MGAM: variants seen among roughly 807,000 people sequenced by gnomAD.
The protein encoded by MGAM is alpha-1,4-glucosidase.
Under a neutral mutation model 358.8 loss-of-function variants are expected in MGAM, and 253 were observed. The ratio of observed to expected loss-of-function variants is 0.71; its 90% CI spans 0.64 to 0.78. The LOEUF (loss-of-function observed/expected upper bound fraction) is 0.78, where lower values mean the gene tolerates loss of function less well. Among genes scored for constraint, MGAM ranks in the 30% least tolerant of loss-of-function variants. The pLI, the probability that MGAM is intolerant of heterozygous loss-of-function variation, is 0.00. For synonymous variants in MGAM, 1,105 were observed against 1,227.1 expected (o/e 0.90, Z 2.08); for missense variants, 3,080 against 3,432.6 (o/e 0.90, Z 2.57).
chr7:141,992,294 C>T (rs1404394606), upstream of MGAM, among the ~76,000 whole-genome samples: 1 of 152,184 alleles, frequency 6.6e-6, no homozygotes, highest in African/African-American at 2.4e-5. Context: ...TAAGCTCCCC[C>T]AGTTAATAAG....
chr7:142,086,261 T>G lies in MGAM; in HGVS notation c.6680T>G (p.Phe2227Cys). The stretch of plus-strand genomic sequence containing the variant: ...AATGAGACACAGCCCTATCCTGCCT[T>G]CACTCGGGGCGTGGAGGATGACGTC... The part of the protein sequence containing the change: ...SGNETQPYPA[F>C]TRGVEDDVFI... The change falls in exon 56 of 71, where the codon TTC becomes TGC. Residue 2227 changes from phenylalanine to cysteine, a missense_variant. Coordinates refer to ENST00000475668, the MANE Select transcript of MGAM (RefSeq NM_001365693.1). The G allele has an allele frequency of 6.5e-7, 1 of 1,544,730 alleles. No individual in the cohort carries two copies. Among genetic ancestry groups the G allele is most frequent in the Non-Finnish European group, 8.9e-7 (1 of 1,126,250 alleles).
intron 1 of MGAM, among the ~76,000 whole-genome samples, chr7:141,999,661 C>T (rs1235374210): frequency 1.3e-5 from 2 of 152,144 alleles, no homozygotes; most frequent in African/African-American, 4.8e-5. Context: ...ATTAAAATTG[C>T]ATAGTTATAT....
intron 33 of MGAM, 65 bp from the exon 34 acceptor site, chr7:142,060,246 A>T: frequency 6.3e-7 from 1 of 1,583,550 alleles, no homozygotes; most frequent in East Asian, 2.2e-5. Flanking sequence ...ATAACAATTT[A>T]TTAGGAAATA....
chr7:142,105,293 ATTT>A (rs34188746), intron 70 of MGAM, among the ~76,000 whole-genome samples: 25 of 147,990 alleles, frequency 1.7e-4, no homozygotes, highest in Non-Finnish European at 2.5e-4. Flanking sequence ...CATATTGAAC[ATTT>A]TTTTTTTTTT....
In MGAM at chr7:142,037,071, G is replaced by A. The variant is rs190468297; in HGVS notation, c.2231+94G>A. 101 of 1,291,546 alleles carry A rather than the reference G, an allele frequency of 7.8e-5. No homozygotes were observed. In the East Asian group the frequency reaches 2.1e-3, roughly 26 times the overall value. 80.0% of individuals were successfully genotyped at this position (1,291,546 alleles called of 1,614,324 possible). On this transcript the variant is annotated intron_variant, in intron 18 of 70. Transcript: ENST00000475668. Reference sequence around the variant, plus strand: ...TCAGAGTGAAAACTGAAACAATTCAGGCAGTTATTCATATCTATCTGTATC... The same window carrying A: ...TCAGAGTGAAAACTGAAACAATTCAAGCAGTTATTCATATCTATCTGTATC...
intron 34 of MGAM, among the ~76,000 whole-genome samples, chr7:142,062,073 T>C (rs1235411657): frequency 1.3e-5 from 2 of 152,194 alleles, no homozygotes; most frequent in Non-Finnish European, 2.9e-5. Context: ...GATTCTGAAA[T>C]CGTAGAAAAC....
Position 142,055,566 on chromosome 7 carries a change from C to G in MGAM, c.3323C>G (p.Ser1108Cys), listed in dbSNP as rs757974729. Residue 1108 changes from serine to cysteine, a missense_variant, in exon 28 of 71, where the codon TCT becomes TGT. Transcript: ENST00000475668. ...GCGTTTTTGTGTTTCAGTTGGGACT[C>G]TCAGCTCCTTGGCTTTACCTTCAGT... The part of the protein sequence containing the change: ...RKSTGTIIWD[S>C]QLLGFTFSDM... 6.2e-7 allele frequency: 1 copy of G among 1,613,898 alleles called. No homozygotes were observed. Among genetic ancestry groups the G allele is most frequent in the South Asian group, 1.1e-5 (1 of 91,070 alleles).
intron 58 of MGAM, 100 bp downstream of exon 58, chr7:142,092,147 C>A: frequency 7.0e-7 from 1 of 1,420,860 alleles, no homozygotes; most frequent in Non-Finnish European, 9.5e-7. Flanking sequence ...TAGTCATTGT[C>A]CAAGGAAGAC....
At chr7:142,101,256 T>A (rs1816419191) in intron 68 of MGAM, among the ~76,000 whole-genome samples, 1 of 152,094 alleles carries the variant, frequency 6.6e-6, no homozygotes, top group Non-Finnish European at 1.5e-5. Flanking sequence ...CCTCTATCCG[T>A]TGTATTATTT....
rs1440397106 is a variant in MGAM, at chr7:142,078,169, A to C, written c.5494-149A>C. 8 of 651,340 alleles carry C rather than the reference A, an allele frequency of 1.2e-5. 1 individual carries two copies. In the Admixed American group the frequency reaches 2.2e-4, roughly 18 times the overall value. The allele number at this position is 651,340 out of a possible 1,614,324, so 40.3% of individuals were successfully genotyped here. A position where few individuals can be genotyped will look rare whatever the true frequency, so the allele number is the denominator to read the frequency against. On this transcript the variant is annotated intron_variant, in intron 47 of 70. Coordinates refer to ENST00000475668, the MANE Select transcript of MGAM (RefSeq NM_001365693.1). ...TCCCCCACTGTACAGTTCTCTTCTT[A>C]TAAGCTAAAGTGATATGTTGCTTGG...
At chr7:142,026,661 T>A (rs1178404777) in intron 8 of MGAM, among the ~76,000 whole-genome samples, 4 of 152,198 alleles carry the variant, frequency 2.6e-5, no homozygotes, top group Non-Finnish European at 5.9e-5. Context: ...ATGGTGCCTG[T>A]TGTCTCAGAG....
chr7:142,020,579 G>A (rs1806348658), intron 4 of MGAM, among the ~76,000 whole-genome samples: 1 of 146,896 alleles, frequency 6.8e-6, no homozygotes, highest in Non-Finnish European at 1.5e-5. Flanking sequence ...CCTTTGACAT[G>A]TATCCTAATA....
chr7:142,035,911 T>C (rs184866585), intron 16 of MGAM, among the ~76,000 whole-genome samples: 2 of 152,298 alleles, frequency 1.3e-5, no homozygotes, highest in Non-Finnish European at 2.9e-5. Flanking sequence ...TATTACCTCA[T>C]TCATTTACGA....
chr7:142,006,024 A>C (rs1805130902), intron 2 of MGAM, among the ~76,000 whole-genome samples: 1 of 152,080 alleles, frequency 6.6e-6, no homozygotes, highest in Non-Finnish European at 1.5e-5. Context: ...ATATAGAAAT[A>C]AAAAGAAAGC....
chr7:142,021,134 C>A, intron 5 of MGAM, 51 bp downstream of exon 5: 1 of 1,337,346 alleles, frequency 7.5e-7, no homozygotes, highest in Non-Finnish European at 1.0e-6. Flanking sequence ...CTTTTATTCC[C>A]TATCGGATGA....
intron 20 of MGAM, 89 bp downstream of exon 20, chr7:142,040,260 C>A: frequency 1.9e-6 from 2 of 1,063,026 alleles, no homozygotes; most frequent in Non-Finnish European, 2.9e-6. Flanking sequence ...AAACATCCAT[C>A]TACATGCTGA....
intron 50 of MGAM, among the ~76,000 whole-genome samples, chr7:142,081,300 A>G (rs1012148620): frequency 6.8e-6 from 1 of 146,170 alleles, no homozygotes; most frequent in African/African-American, 2.4e-5. Context: ...TGATAGTGAT[A>G]ATTGCTGTGT....
At chr7:142,041,904 AT>A (rs201855316) in intron 21 of MGAM, among the ~76,000 whole-genome samples, 33,490 of 71,460 alleles carry the variant, frequency 0.47, 9,874 homozygotes, top group Admixed American at 0.53. Context: ...TAATATATAT[AT>A]TATATATATA....
Position 142,008,485 on chromosome 7 carries a change from TTA to T in MGAM, c.128-19_128-18del. ...AAATTAAATTTGTCTAATGGTCTTT[TTA>T]TGTTTGCTTTTGGTATAGCCCCAGA... On this transcript the variant is annotated intron_variant, in intron 2 of 70. Coordinates refer to ENST00000475668, the MANE Select transcript of MGAM (RefSeq NM_001365693.1). 1 of 1,585,652 alleles carries T rather than the reference TTA, an allele frequency of 6.3e-7. No individual in the cohort carries two copies. Among genetic ancestry groups the T allele is most frequent in the Non-Finnish European group, 8.6e-7 (1 of 1,165,966 alleles).
Sources: gnomAD v4.1 joint callset for allele counts (sites outside exome capture counted in the v4.1 genomes callset) on GRCh38, gnomAD v4.1.1 for gene constraint, MANE v1.5 for transcripts, NCBI Gene and HGNC (gene_info 2026-07-23, HGNC 2026-07-21) for gene names.